PLXNA4: variants seen among roughly 807,000 people sequenced by gnomAD.
The protein encoded by PLXNA4 is plexin-A4.
A neutral mutation model predicts 191.8 loss-of-function variants in PLXNA4; 44 were observed. The ratio of observed to expected loss-of-function variants is 0.23; its 90% CI spans 0.18 to 0.29. PLXNA4 has a LOEUF of 0.29. PLXNA4 is among the 10% of genes least tolerant of loss of function. The probability of loss-of-function intolerance (pLI) is 1.00; values close to 1 mark genes in which losing one functional copy is unlikely to be tolerated. For synonymous variants in PLXNA4, 1,082 were observed against 1,009.5 expected (o/e 1.07, Z -1.36); for missense variants, 1,800 against 2,488.8 (o/e 0.72, Z 5.89).
chr7:132,322,429 C>T (rs553749412), intron 3 of PLXNA4, among the ~76,000 whole-genome samples: 30 of 152,246 alleles, frequency 2.0e-4, no homozygotes, highest in African/African-American at 6.7e-4. Flanking sequence ...GTGATCCACC[C>T]GCCTCGGCCT....
chr7:132,278,262 C>T (rs1057313038), intron 4 of PLXNA4, among the ~76,000 whole-genome samples: 1 of 152,084 alleles, frequency 6.6e-6, no homozygotes, highest in East Asian at 1.9e-4. Flanking sequence ...TTTTGCACGG[C>T]GCCAGGCTTC....
intron 20 of PLXNA4, among the ~76,000 whole-genome samples, chr7:132,178,748 TAC>T (rs55690930): frequency 0.53 from 54,437 of 102,608 alleles, 14,160 homozygotes; most frequent in Admixed American, 0.65. Context: ...ATGAAACACA[TAC>T]ACACACACAC....
Position 132,230,372 on chromosome 7 carries a change from C to T in PLXNA4, c.1605-1903G>A, listed in dbSNP as rs189548102. ...CTTCATATCCTTAGGGCAATTCAAACATTTTCCCCTCAATCTTTCTGTCTA... is the reference window on the plus strand; with the variant it reads ...CTTCATATCCTTAGGGCAATTCAAATATTTTCCCCTCAATCTTTCTGTCTA... On this transcript the variant is annotated intron_variant, in intron 5 of 31. Transcript: ENST00000321063. Among the ~76,000 whole-genome samples the T allele has an allele frequency of 7.9e-5, 12 of 152,344 alleles. No individual in the cohort carries two copies. The East Asian group carries it at 1.9e-3, about 24-fold the overall frequency.
chr7:132,400,611 A>C (rs895466426), intron 3 of PLXNA4, among the ~76,000 whole-genome samples: 1 of 152,230 alleles, frequency 6.6e-6, no homozygotes, highest in Non-Finnish European at 1.5e-5. Flanking sequence ...GTTTTCAGGC[A>C]AAACACATGA....
chr7:132,314,239 T>A (rs904333524), intron 3 of PLXNA4, among the ~76,000 whole-genome samples: 4 of 152,204 alleles, frequency 2.6e-5, no homozygotes, highest in Non-Finnish European at 4.4e-5. Context: ...TTTCACAATT[T>A]TTGCTTAGGG....
intron 2 of PLXNA4, among the ~76,000 whole-genome samples, chr7:132,641,257 A>T (rs560842581): frequency 1.3e-5 from 2 of 152,312 alleles, no homozygotes; most frequent in South Asian, 2.1e-4. Flanking sequence ...GGGTGGCTTA[A>T]ACAACAGAGC....
intron 2 of PLXNA4, among the ~76,000 whole-genome samples, chr7:132,618,234 C>G (rs962984362): frequency 6.6e-6 from 1 of 152,216 alleles, no homozygotes; most frequent in African/African-American, 2.4e-5. Flanking sequence ...GGCTTCCTGG[C>G]AAGCCATGTG....
chr7:132,532,504 T>C (rs1471318812), intron 1 of PLXNA4, among the ~76,000 whole-genome samples: 1 of 152,236 alleles, frequency 6.6e-6, no homozygotes, highest in African/African-American at 2.4e-5. Context: ...AAATTTTCTT[T>C]CCTGCCTTGT....
chr7:132,517,750 T>C (rs909777166), intron 1 of PLXNA4, among the ~76,000 whole-genome samples: 3 of 152,138 alleles, frequency 2.0e-5, no homozygotes, highest in Admixed American at 1.3e-4. Context: ...GATAGAGAAA[T>C]CTTCCTGCTC....
intron 3 of PLXNA4, among the ~76,000 whole-genome samples, chr7:132,418,545 A>G (rs550990388): frequency 6.6e-6 from 1 of 152,342 alleles, no homozygotes; most frequent in East Asian, 1.9e-4. Flanking sequence ...TGTCTTTGAG[A>G]ACATGAAGCT....
At chr7:132,573,597 C>T (rs920323413) in intron 1 of PLXNA4, among the ~76,000 whole-genome samples, 2 of 152,108 alleles carry the variant, frequency 1.3e-5, no homozygotes, top group African/African-American at 2.4e-5. Flanking sequence ...CAGACTCTGC[C>T]GTGCAGATTT....
chr7:132,316,653 C>A (rs1169102756), intron 3 of PLXNA4, among the ~76,000 whole-genome samples: 1 of 152,202 alleles, frequency 6.6e-6, no homozygotes, highest in Non-Finnish European at 1.5e-5. Flanking sequence ...AGCTCCCCAG[C>A]AGATGAAGAA....
chr7:132,406,480 G>A lies in PLXNA4; in HGVS notation c.1371+82812C>T, dbSNP rs184448979. Among the ~76,000 whole-genome samples the A allele has an allele frequency of 9.7e-4, 147 of 152,184 alleles. 2 individuals carry two copies. Among genetic ancestry groups the A allele is most frequent in the African/African-American group, 3.3e-3 (138 of 41,538 alleles). On this transcript the variant is annotated intron_variant, in intron 3 of 31. Coordinates refer to ENST00000321063, the MANE Select transcript of PLXNA4 (RefSeq NM_020911.2). ...AACTCTCCCATCTTTGGATGCTATG[G>A]GAAACCCAGGAGCCTCCTGACCACA...
intron 3 of PLXNA4, among the ~76,000 whole-genome samples, chr7:132,350,493 G>T (rs1803436579): frequency 6.6e-6 from 1 of 152,118 alleles, no homozygotes; most frequent in Non-Finnish European, 1.5e-5. Context: ...AACAGACTGG[G>T]AGTCTGTCTC....
In PLXNA4 at chr7:132,127,402, A is replaced by G. The variant is rs1794799343; in HGVS notation, c.*3077T>C. On this transcript the variant is annotated 3_prime_UTR_variant, in exon 32 of 32. Transcript: ENST00000321063. ...TCCTTTCTCTGGGAGCCCGCAAGCC[A>G]CATGGACAGCCCCTGGATGTTTGCT... The G allele has an allele frequency of 6.6e-6, 1 of 152,144 alleles. No individual in the cohort carries two copies. Among genetic ancestry groups the G allele is most frequent in the Non-Finnish European group, 1.5e-5 (1 of 68,042 alleles). The allele number at this position is 152,144 out of a possible 1,614,324, so 9.4% of individuals were successfully genotyped here. A position where few individuals can be genotyped will look rare whatever the true frequency, so the allele number is the denominator to read the frequency against.
intron 4 of PLXNA4, among the ~76,000 whole-genome samples, chr7:132,268,549 G>A (rs1288845861): frequency 6.6e-6 from 1 of 152,194 alleles, no homozygotes; most frequent in African/African-American, 2.4e-5. Flanking sequence ...TTGGAGTGTG[G>A]CTGGCGGGAG....
At chr7:132,172,758 T>TATAATAATA (rs10651247) in intron 21 of PLXNA4, among the ~76,000 whole-genome samples, 204 of 149,018 alleles carry the variant, frequency 1.4e-3, no homozygotes, top group African/African-American at 4.1e-3. Context: ...AAACTTAAAG[T>TATAATAATA]ATAATAATAA....
intron 2 of PLXNA4, among the ~76,000 whole-genome samples, chr7:132,616,830 GC>G (rs1412051846): frequency 6.6e-6 from 1 of 152,130 alleles, no homozygotes; most frequent in South Asian, 2.1e-4. Flanking sequence ...GGTAGACTGT[GC>G]GGTTCTCTGA....
intron 3 of PLXNA4, among the ~76,000 whole-genome samples, chr7:132,383,294 G>A (rs1305557871): frequency 2.6e-5 from 4 of 152,100 alleles, no homozygotes; most frequent in African/African-American, 9.7e-5. Flanking sequence ...ATTGGACATG[G>A]ATATTTCAAA....
Sources: allele counts gnomAD v4.1 joint callset (sites outside exome capture counted in the v4.1 genomes callset), GRCh38; gene constraint gnomAD v4.1.1; transcripts MANE v1.5; gene names NCBI Gene and HGNC (gene_info 2026-07-23, HGNC 2026-07-21).